NAALADL2: variants seen among roughly 807,000 people sequenced by gnomAD.
NAALADL2 encodes the protein inactive N-acetylated-alpha-linked acidic dipeptidase-like protein 2.
A neutral mutation model predicts 87.2 loss-of-function variants in NAALADL2; 76 were observed. The observed-to-expected ratio is 0.87, with a 90% CI of 0.72 to 1.05. The LOEUF (loss-of-function observed/expected upper bound fraction) is 1.05, where lower values mean the gene tolerates loss of function less well. Among genes scored for constraint, NAALADL2 ranks in the 50% least tolerant of loss-of-function variants. The pLI is 0.00. For synonymous variants in NAALADL2, 354 were observed against 331.0 expected (o/e 1.07, Z -0.75); for missense variants, 1,089 against 945.8 (o/e 1.15, Z -1.99).
intron 1 of NAALADL2, chr3:175,059,665 C>T: frequency 2.9e-6 from 1 of 342,952 alleles, no homozygotes; most frequent in South Asian, 2.9e-5. Flanking sequence ...TCTGGGCAAG[C>T]CATTCTTCCA....
At chr3:174,766,284 A>AC (rs1560207214) in intron 3 of NAALADL2, among the ~76,000 whole-genome samples, 2 of 152,178 alleles carry the variant, frequency 1.3e-5, no homozygotes, top group Non-Finnish European at 2.9e-5. Flanking sequence ...CCCACGAGGC[A>AC]TGGAATTTTG....
At chr3:174,774,160 T>C (rs1049805700) in intron 3 of NAALADL2, among the ~76,000 whole-genome samples, 2 of 152,176 alleles carry the variant, frequency 1.3e-5, no homozygotes, top group Non-Finnish European at 2.9e-5. Flanking sequence ...GCCCTGCATA[T>C]GGCCTTCTTA....
intron 2 of NAALADL2, among the ~76,000 whole-genome samples, chr3:175,149,642 A>T (rs989197683): frequency 6.6e-6 from 1 of 152,166 alleles, no homozygotes; most frequent in Non-Finnish European, 1.5e-5. Context: ...CTTTTGGTTT[A>T]TAATTATTTT....
At chr3:174,755,132 T>C (rs937204568) in intron 3 of NAALADL2, among the ~76,000 whole-genome samples, 20 of 152,304 alleles carry the variant, frequency 1.3e-4, no homozygotes, top group African/African-American at 4.8e-4. Flanking sequence ...GAGTGAATTC[T>C]CATGAGATCT....
Position 174,750,282 on chromosome 3 carries a change from T to A in NAALADL2, c.-9+12536T>A, listed in dbSNP as rs530336032. Among the ~76,000 whole-genome samples the A allele has an allele frequency of 3.3e-5, 5 of 152,312 alleles. No homozygotes were observed. In the South Asian group the frequency reaches 1.0e-3, roughly 32 times the overall value. ...CTGGGCAAATATCGCCAGCCTATTG[T>A]CCTAAAGTTAGGAAAATTACCTTGA... On this transcript the variant is annotated intron_variant, in intron 3 of 3. Coordinates refer to the NAALADL2 transcript ENST00000434257.
chr3:175,050,968 T>C (rs962435396), intron 1 of NAALADL2, among the ~76,000 whole-genome samples: 2 of 152,218 alleles, frequency 1.3e-5, no homozygotes, highest in African/African-American at 4.8e-5. Flanking sequence ...TGCACACTTA[T>C]TTGAAGAAGG....
intron 10 of NAALADL2, among the ~76,000 whole-genome samples, chr3:175,621,090 A>G (rs1049052617): frequency 1.3e-5 from 2 of 152,062 alleles, no homozygotes; most frequent in African/African-American, 4.8e-5. Context: ...GCAAACAGGA[A>G]CAGAAGCTCT....
At chr3:175,474,178 A>G (rs1725304088) in intron 9 of NAALADL2, among the ~76,000 whole-genome samples, 1 of 152,130 alleles carries the variant, frequency 6.6e-6, no homozygotes, top group African/African-American at 2.4e-5. Context: ...TATTGACTAA[A>G]TTGTAAATGA....
chr3:175,039,687 A>G (rs1230939933), intron 1 of NAALADL2, among the ~76,000 whole-genome samples: 2 of 152,162 alleles, frequency 1.3e-5, no homozygotes, highest in Non-Finnish European at 2.9e-5. Flanking sequence ...AGACAAGTGA[A>G]ACAGTAGAAA....
At chr3:174,464,189 C>T (rs560566194) in intron 1 of NAALADL2, among the ~76,000 whole-genome samples, 1 of 152,000 alleles carries the variant, frequency 6.6e-6, no homozygotes, top group African/African-American at 2.4e-5. Flanking sequence ...ACTGATTTCA[C>T]GAACTAATGT....
chr3:174,884,221 C>G (rs1231608980), intron 1 of NAALADL2, among the ~76,000 whole-genome samples: 1 of 152,152 alleles, frequency 6.6e-6, no homozygotes, highest in South Asian at 2.1e-4. Flanking sequence ...GCCACTTCCA[C>G]TGCCACTCCT....
At chr3:175,004,376 CAAAAAA>C (rs538715061) in intron 1 of NAALADL2, among the ~76,000 whole-genome samples, 2 of 33,838 alleles carry the variant, frequency 5.9e-5, no homozygotes, top group African/African-American at 1.2e-4. Context: ...GAGACTATTT[CAAAAAA>C]AAAAAAAAAA....
intron 11 of NAALADL2, among the ~76,000 whole-genome samples, chr3:175,686,838 C>T (rs1257441229): frequency 6.6e-6 from 1 of 152,058 alleles, no homozygotes; most frequent in Admixed American, 6.6e-5. Flanking sequence ...AGGGAGAGGT[C>T]ATGAAAAAAC....
chr3:174,640,914 A>G (rs1247252947), intron 2 of NAALADL2, among the ~76,000 whole-genome samples: 1 of 152,164 alleles, frequency 6.6e-6, no homozygotes. Context: ...CTGAGGAGGA[A>G]TTATTAAAAA....
intron 10 of NAALADL2, among the ~76,000 whole-genome samples, chr3:175,577,152 G>C (rs1719020092): frequency 6.6e-6 from 1 of 152,088 alleles, no homozygotes; most frequent in African/African-American, 2.4e-5. Flanking sequence ...ATAGCCTTGG[G>C]AATGAGATGG....
intron 10 of NAALADL2, among the ~76,000 whole-genome samples, chr3:175,589,971 G>C (rs1431810709): frequency 2.0e-5 from 3 of 151,992 alleles, no homozygotes; most frequent in South Asian, 4.1e-4. Flanking sequence ...CCAACACTTT[G>C]GGAGGCCGAG....
chr3:175,687,947 G>A (rs1560977154), intron 11 of NAALADL2, among the ~76,000 whole-genome samples: 1 of 151,960 alleles, frequency 6.6e-6, no homozygotes, highest in Non-Finnish European at 1.5e-5. Context: ...CACACTTCTT[G>A]TACACCCTGC....
chr3:175,435,340 C>A (rs964034451), intron 5 of NAALADL2, among the ~76,000 whole-genome samples: 3 of 151,792 alleles, frequency 2.0e-5, no homozygotes, highest in Admixed American at 6.6e-5. Flanking sequence ...GCAATAGAAA[C>A]CATTTAAAGT....
chr3:175,089,930 T>A (rs573808609), intron 1 of NAALADL2, among the ~76,000 whole-genome samples: 17 of 152,310 alleles, frequency 1.1e-4, no homozygotes, highest in South Asian at 8.3e-4. Flanking sequence ...GGCTTTCTTT[T>A]AGCCTGAATA....
Sources: allele counts gnomAD v4.1 joint callset (sites outside exome capture counted in the v4.1 genomes callset), GRCh38; gene constraint gnomAD v4.1.1; transcripts MANE v1.5; gene names NCBI Gene and HGNC (gene_info 2026-07-23, HGNC 2026-07-21).